Variants in CDCA2 observed in about 807,000 individuals in gnomAD.
The protein encoded by CDCA2 is cell division cycle-associated protein 2.
Under a neutral mutation model 67.0 loss-of-function variants are expected in CDCA2, and 44 were observed. That is an observed-to-expected ratio of 0.66 (90% CI 0.52 to 0.84). The LOEUF (loss-of-function observed/expected upper bound fraction) is 0.84. CDCA2 is among the 40% of genes least tolerant of loss of function. The probability of loss-of-function intolerance (pLI) is 0.00; values close to 1 mark genes in which losing one functional copy is unlikely to be tolerated. For missense variants in CDCA2, 1,253 were observed against 1,203.2 expected (o/e 1.04, Z -0.61); for synonymous variants, 447 against 418.7 (o/e 1.07, Z -0.82).
chr8:25,470,951 G>A (rs1434856531), intron 7 of CDCA2, among the ~76,000 whole-genome samples: 1 of 151,890 alleles, frequency 6.6e-6, no homozygotes, highest in African/African-American at 2.4e-5. Context: ...TAGTAGAGAT[G>A]GGATTTTGCC....
intron 14 of CDCA2, among the ~76,000 whole-genome samples, chr8:25,505,047 A>G (rs1202609455): frequency 6.6e-6 from 1 of 152,164 alleles, no homozygotes; most frequent in Non-Finnish European, 1.5e-5. Flanking sequence ...GTCTGTAACC[A>G]GTGGTATCAC....
intron 13 of CDCA2, among the ~76,000 whole-genome samples, chr8:25,502,288 C>T (rs1361179966): frequency 6.6e-6 from 1 of 152,148 alleles, no homozygotes; most frequent in Non-Finnish European, 1.5e-5. Context: ...TCGCCCATAA[C>T]AGTCTGTCTT....
rs969277502 is a variant in CDCA2, at chr8:25,460,255, A to G, written c.16A>G (p.Lys6Glu). Residue 6 changes from lysine to glutamate, a missense_variant, in exon 2 of 15, where the codon AAA becomes GAA. Transcript: ENST00000330560. Reference protein sequence around the residue: MDANSKDKPPETKESA... With the variant: MDANSEDKPPETKESA... ...CACCTCTTAGATGGATGCCAATTCA[A>G]AAGACAAGCCCCCTGAAACCAAGGA... The G allele has an allele frequency of 2.5e-5, 40 of 1,614,088 alleles. No individual in the cohort carries two copies. The highest frequency in any genetic ancestry group is 3.3e-5 in the Non-Finnish European group (39 of 1,180,046).
intron 7 of CDCA2, among the ~76,000 whole-genome samples, chr8:25,470,756 CTT>C (rs1168180800): frequency 3.6e-5 from 5 of 139,368 alleles, no homozygotes; most frequent in African/African-American, 1.1e-4. Flanking sequence ...GCTGTATGTG[CTT>C]TGTTTTTCTT....
At chr8:25,495,711 C>T (rs989252079) in intron 13 of CDCA2, among the ~76,000 whole-genome samples, 14 of 152,218 alleles carry the variant, frequency 9.2e-5, no homozygotes, top group African/African-American at 1.2e-4. Flanking sequence ...TGAGCCACTG[C>T]GCCTGGCCCT....
At chr8:25,471,372 CTTA>C (rs1433643902) in intron 7 of CDCA2, among the ~76,000 whole-genome samples, 1 of 151,590 alleles carries the variant, frequency 6.6e-6, no homozygotes, top group East Asian at 1.9e-4. Flanking sequence ...TCTTCTTCTT[CTTA>C]TTTTTGAGAC....
chr8:25,468,832 G>A (rs1004360721), intron 6 of CDCA2, among the ~76,000 whole-genome samples: 1 of 152,086 alleles, frequency 6.6e-6, no homozygotes, highest in Admixed American at 6.6e-5. Context: ...GATTCTGTGT[G>A]GGGTGTACTC....
intron 14 of CDCA2, among the ~76,000 whole-genome samples, chr8:25,505,799 T>C (rs1397905398): frequency 6.6e-6 from 1 of 152,206 alleles, no homozygotes; most frequent in Non-Finnish European, 1.5e-5. Flanking sequence ...TTAGAACTCA[T>C]AAAGCCTGAA....
At chr8:25,486,164 G>A (rs576709767) in intron 11 of CDCA2, among the ~76,000 whole-genome samples, 9 of 152,248 alleles carry the variant, frequency 5.9e-5, no homozygotes, top group Admixed American at 2.0e-4. Context: ...CATCTGGATT[G>A]TAAGGATCAT....
At chr8:25,477,557 T>C (rs1416266824) in intron 7 of CDCA2, among the ~76,000 whole-genome samples, 1 of 152,144 alleles carries the variant, frequency 6.6e-6, no homozygotes, top group Non-Finnish European at 1.5e-5. Context: ...AGAATGCAAA[T>C]ATTTCAAAAT....
At chr8:25,491,184 C>T (rs139788651) in intron 13 of CDCA2, among the ~76,000 whole-genome samples, 118 of 151,972 alleles carry the variant, frequency 7.8e-4, no homozygotes, top group African/African-American at 2.7e-3. Flanking sequence ...AGACTGGAAA[C>T]GAGAATCTAG....
chr8:25,485,350 T>C (rs547739819), intron 10 of CDCA2, among the ~76,000 whole-genome samples: 3 of 152,200 alleles, frequency 2.0e-5, no homozygotes, highest in East Asian at 3.9e-4. Context: ...CCAACAATTA[T>C]GTGGAAAAGA....
rs1804204904 is a variant in CDCA2, at chr8:25,495,920, T to C, written c.1671+7231T>C. On this transcript the variant is annotated intron_variant, in intron 13 of 14. Coordinates refer to ENST00000330560, the MANE Select transcript of CDCA2 (RefSeq NM_152562.4). Reference sequence around the variant, plus strand: ...AAAACTTTGGAAGACTAAATTTGAATTGGAAATAAGAGTAGAAACTCATTT... The same window carrying C: ...AAAACTTTGGAAGACTAAATTTGAACTGGAAATAAGAGTAGAAACTCATTT... Among the ~76,000 whole-genome samples, 3 of 152,302 alleles carry C rather than the reference T, an allele frequency of 2.0e-5. No individual in the cohort carries two copies. The South Asian group carries it at 6.2e-4, about 32-fold the overall frequency.
intron 7 of CDCA2, among the ~76,000 whole-genome samples, chr8:25,470,885 C>G (rs1803126220): frequency 6.6e-6 from 1 of 151,980 alleles, no homozygotes; most frequent in Admixed American, 6.6e-5. Context: ...TTTCAGCCTC[C>G]TGAGTAGCTG....
chr8:25,475,399 A>C (rs1803309831), intron 7 of CDCA2, among the ~76,000 whole-genome samples: 1 of 152,098 alleles, frequency 6.6e-6, no homozygotes, highest in South Asian at 2.1e-4. Flanking sequence ...CCTGCCTGTA[A>C]TCCCAGCTAC....
intron 13 of CDCA2, among the ~76,000 whole-genome samples, chr8:25,496,979 A>G (rs1804248020): frequency 6.6e-6 from 1 of 152,170 alleles, no homozygotes; most frequent in African/African-American, 2.4e-5. Context: ...TTTAGTAGAA[A>G]AAGAAATGTT....
intron 12 of CDCA2, 92 bp downstream of exon 12, chr8:25,487,426 T>C: frequency 1.2e-6 from 1 of 831,200 alleles, no homozygotes; most frequent in Non-Finnish European, 2.0e-6. Context: ...GGTGAAATCT[T>C]AGTTTAATCA....
chr8:25,460,157 TTCAG>T, intron 1 of CDCA2, 79 bp from the exon 2 acceptor site: 1 of 1,335,118 alleles, frequency 7.5e-7, no homozygotes. Context: ...TGTATTACAA[TTCAG>T]TCCTGAATAA....
chr8:25,498,460 C>T (rs1034656761), intron 13 of CDCA2, among the ~76,000 whole-genome samples: 4 of 122,214 alleles, frequency 3.3e-5, no homozygotes, highest in African/African-American at 8.4e-5. Flanking sequence ...TGCACCCCCC[C>T]CCCGCCCCCC....
Sources: allele counts gnomAD v4.1 joint callset (sites outside exome capture counted in the v4.1 genomes callset), GRCh38; gene constraint gnomAD v4.1.1; transcripts MANE v1.5; gene names NCBI Gene and HGNC (gene_info 2026-07-23, HGNC 2026-07-21).